The following ABCA12 variants were observed in gnomAD, a reference collection of about 807,000 sequenced individuals.
ABCA12 encodes the protein ATP binding cassette subfamily A member 12.
A neutral mutation model predicts 293.5 loss-of-function variants in ABCA12; 156 were observed. The ratio of observed to expected loss-of-function variants is 0.53; its 90% CI spans 0.47 to 0.61. The LOEUF is 0.61. Ranked by LOEUF, ABCA12 falls within the 20% of genes least tolerant of loss-of-function variation. The pLI is 0.00. For missense variants in ABCA12, 2,797 were observed against 3,090.2 expected (o/e 0.91, Z 2.25); for synonymous variants, 1,063 against 1,108.0 (o/e 0.96, Z 0.81).
intron 1 of ABCA12, among the ~76,000 whole-genome samples, chr2:215,134,151 T>C (rs1368753765): frequency 6.6e-6 from 1 of 151,836 alleles, no homozygotes; most frequent in African/African-American, 2.4e-5. Flanking sequence ...ACTAAATATT[T>C]AGCTTATGCT....
chr2:214,983,646 C>A lies in ABCA12; in HGVS notation c.4382+1G>T. 1 of 1,613,860 alleles carries A rather than the reference C, an allele frequency of 6.2e-7. No homozygotes were observed. The highest frequency in any genetic ancestry group is 2.2e-5 in the East Asian group (1 of 44,876). On this transcript the variant is annotated splice_donor_variant, in intron 29 of 52. Coordinates refer to ENST00000272895, the MANE Select transcript of ABCA12 (RefSeq NM_173076.3). LOFTEE classifies it high-confidence loss of function. ...AGGTTCTCATTCCTGTCTTAACTTG[C>A]CTTTTTACTTCCTCGTGGAGCTGCT...
intron 15 of ABCA12, among the ~76,000 whole-genome samples, chr2:215,014,679 G>A (rs1700450832): frequency 6.6e-6 from 1 of 152,188 alleles, no homozygotes; most frequent in South Asian, 2.1e-4. Context: ...GACCACTGCA[G>A]AAATATAGGC....
chr2:214,935,875 C>G (rs76560247), intron 51 of ABCA12, among the ~76,000 whole-genome samples: 3,601 of 152,198 alleles, frequency 0.024, 67 homozygotes, highest in Middle Eastern at 0.086. Context: ...CTTGGAGAGG[C>G]TGAGGCAAAG....
At chr2:215,103,829 A>C (rs1376017244) in intron 2 of ABCA12, among the ~76,000 whole-genome samples, 3 of 152,008 alleles carry the variant, frequency 2.0e-5, no homozygotes, top group Admixed American at 6.6e-5. Flanking sequence ...GATCCAGGTA[A>C]ATCTGACATT....
intron 2 of ABCA12, among the ~76,000 whole-genome samples, chr2:215,071,626 C>T (rs1701740289): frequency 6.6e-6 from 1 of 152,106 alleles, no homozygotes. Flanking sequence ...TTCCACATCT[C>T]CCAAATTGAA....
chr2:214,957,683 C>T (rs1255745539), intron 41 of ABCA12, among the ~76,000 whole-genome samples: 1 of 152,174 alleles, frequency 6.6e-6, no homozygotes, highest in Non-Finnish European at 1.5e-5. Flanking sequence ...GGGCTTTTGG[C>T]CAACATTGGT....
In ABCA12 at chr2:215,012,105, C is replaced by A. The variant is rs1700390741; in HGVS notation, c.1987G>T (p.Val663Leu). 1 of 1,613,972 alleles carries A rather than the reference C, an allele frequency of 6.2e-7. No homozygotes were observed. Among genetic ancestry groups the A allele is most frequent in the Non-Finnish European group, 8.5e-7 (1 of 1,179,916 alleles). The change falls in exon 16 of 53, where the codon GTA becomes TTA. Residue 663 changes from valine to leucine, a missense_variant. By Grantham distance (32) the Val-to-Leu change is conservative. This residue lies in a region of ABCA12 where 2,130 missense variants were observed against 2,427.0 expected (regional missense o/e 0.88). Coordinates refer to ENST00000272895, the MANE Select transcript of ABCA12 (RefSeq NM_173076.3). Reference protein sequence around the residue: ...VFFPRKDQKPVEKMMELFIRL... With the variant: ...VFFPRKDQKPLEKMMELFIRL... ...ATGAAGAGCTCCATCATCTTTTCTACTGGCTTTTGATCTTTCCTCGGGAAA... is the reference window on the plus strand; with the variant it reads ...ATGAAGAGCTCCATCATCTTTTCTAATGGCTTTTGATCTTTCCTCGGGAAA...
In ABCA12 at chr2:215,049,614, A is replaced by G. The variant is rs1701277204; in HGVS notation, c.693+12T>C. ...TGTTGAGTCACTTTGTGGATCAAAGATCTACACTCACCTGGGAGAACTGTT... is the reference window on the plus strand; with the variant it reads ...TGTTGAGTCACTTTGTGGATCAAAGGTCTACACTCACCTGGGAGAACTGTT... On this transcript the variant is annotated intron_variant, in intron 6 of 52. Coordinates refer to ENST00000272895, the MANE Select transcript of ABCA12 (RefSeq NM_173076.3). 3 of 1,612,036 alleles carry G rather than the reference A, an allele frequency of 1.9e-6. No homozygotes were observed. The highest frequency in any genetic ancestry group is 1.6e-4 in the Middle Eastern group (1 of 6,070).
intron 26 of ABCA12, among the ~76,000 whole-genome samples, chr2:214,988,545 A>G (rs914382947): frequency 1.3e-5 from 2 of 152,226 alleles, no homozygotes; most frequent in African/African-American, 2.4e-5. Context: ...ATGCATACAT[A>G]TAAGTAGGGC....
At chr2:215,035,164 T>G (rs1015153959) in intron 8 of ABCA12, among the ~76,000 whole-genome samples, 2 of 152,220 alleles carry the variant, frequency 1.3e-5, no homozygotes, top group Admixed American at 6.5e-5. Flanking sequence ...TTTCAAAGTC[T>G]ACAAAATTTC....
At position 215,036,970 on chromosome 2, in the gene ABCA12, A is replaced by C; in HGVS notation, c.968T>G (p.Leu323Arg). 5 of 1,613,912 alleles carry C rather than the reference A, an allele frequency of 3.1e-6. No individual in the cohort carries two copies. Among genetic ancestry groups the C allele is most frequent in the Non-Finnish European group, 4.2e-6 (5 of 1,179,806 alleles). ...QKSVKHLLYT[L>R]DSPAQGDSDN... is the part of the protein sequence containing the mutation. ...TATAATACCTTGAGCTGGGGAGTCC[A>C]GAGTGTACAGCAGATGTTTAACAGA... The change falls in exon 8 of 53, where the codon CTG becomes CGG. Residue 323 changes from leucine to arginine, a missense_variant. Coordinates refer to ENST00000272895, the MANE Select transcript of ABCA12 (RefSeq NM_173076.3).
intron 48 of ABCA12, among the ~76,000 whole-genome samples, 191 bp from the exon 49 acceptor site, chr2:214,945,295 A>G (rs1698548051): frequency 6.6e-6 from 1 of 152,144 alleles, no homozygotes; most frequent in Admixed American, 6.5e-5. Flanking sequence ...TAAAATTGTC[A>G]ATCTGTTTCA....
chr2:215,071,494 G>A (rs1271224954), intron 2 of ABCA12, among the ~76,000 whole-genome samples: 1 of 152,150 alleles, frequency 6.6e-6, no homozygotes, highest in Non-Finnish European at 1.5e-5. Context: ...AAAACAACAT[G>A]TTCAGCTAAG....
chr2:215,077,676 G>A (rs1264129268), intron 2 of ABCA12, among the ~76,000 whole-genome samples: 3 of 152,048 alleles, frequency 2.0e-5, no homozygotes, highest in African/African-American at 7.3e-5. Flanking sequence ...CAAACTTTTG[G>A]TTGTTGGCAA....
At chr2:215,062,805 T>C (rs922995972) in intron 3 of ABCA12, among the ~76,000 whole-genome samples, 1 of 152,048 alleles carries the variant, frequency 6.6e-6, no homozygotes, top group Non-Finnish European at 1.5e-5. Flanking sequence ...ATTAAATCCC[T>C]ACTTTATAAT....
chr2:215,131,276 C>T (rs1486078450), intron 1 of ABCA12, among the ~76,000 whole-genome samples: 2 of 151,690 alleles, frequency 1.3e-5, no homozygotes, highest in East Asian at 3.9e-4. Context: ...CCCTCCTCTT[C>T]GATTTTTTTT....
At chr2:215,087,650 A>G (rs559405237) in intron 2 of ABCA12, among the ~76,000 whole-genome samples, 2 of 152,234 alleles carry the variant, frequency 1.3e-5, no homozygotes, top group East Asian at 3.9e-4. Context: ...AAAGGATGAA[A>G]TTTGGGCTCC....
chr2:214,944,566 A>C (rs1001824476), intron 49 of ABCA12, among the ~76,000 whole-genome samples: 1 of 152,072 alleles, frequency 6.6e-6, no homozygotes, highest in Non-Finnish European at 1.5e-5. Flanking sequence ...TGCAGGGGAA[A>C]AAGACTGAGC....
intron 2 of ABCA12, among the ~76,000 whole-genome samples, chr2:215,110,165 A>T (rs1702542139): frequency 6.6e-6 from 1 of 152,188 alleles, no homozygotes; most frequent in Non-Finnish European, 1.5e-5. Flanking sequence ...ATGAACAATC[A>T]AATAAAATCT....
Sources: allele counts gnomAD v4.1 joint callset (sites outside exome capture counted in the v4.1 genomes callset), GRCh38; gene constraint gnomAD v4.1.1; regional missense constraint gnomAD v4.1.1; transcripts MANE v1.5; gene names NCBI Gene and HGNC (gene_info 2026-07-23, HGNC 2026-07-21).